The following CXADR variants were observed in gnomAD, a reference collection of about 807,000 sequenced individuals.
The protein encoded by CXADR is CXADR cell adhesion molecule, also known as coxsackievirus and adenovirus receptor.
Under a neutral mutation model 40.3 loss-of-function variants are expected in CXADR, and 20 were observed. The ratio of observed to expected loss-of-function variants is 0.50; its 90% CI spans 0.35 to 0.72. CXADR has a LOEUF of 0.72. CXADR is among the 30% of genes least tolerant of loss of function. The pLI is 0.01. For missense variants in CXADR, 332 were observed against 449.1 expected (o/e 0.74, Z 2.36); for synonymous variants, 150 against 161.3 (o/e 0.93, Z 0.53).
chr21:17,614,770 G>A, the CXADR span, among the ~76,000 whole-genome samples: 1 of 152,094 alleles, frequency 6.6e-6, no homozygotes, highest in Non-Finnish European at 1.5e-5. Context: ...TCTCATAGCT[G>A]AACACTGTGA....
intron 7 of CXADR, among the ~76,000 whole-genome samples, chr21:17,588,598 T>A (rs565279751): frequency 6.6e-6 from 1 of 152,316 alleles, no homozygotes; most frequent in East Asian, 1.9e-4. Flanking sequence ...CATCTTTAAT[T>A]TGAAAAGCCC....
downstream of CXADR, among the ~76,000 whole-genome samples, chr21:17,570,952 T>C (rs771822781): frequency 9.9e-5 from 15 of 152,200 alleles, no homozygotes; most frequent in Non-Finnish European, 2.1e-4. Flanking sequence ...TCCTGTGCAT[T>C]GCGAAATGTT....
the CXADR span, chr21:17,613,117 GACCGCGACGGCGCGGTCCGCAGA>G: frequency 6.6e-6 from 1 of 152,072 alleles, no homozygotes; most frequent in Non-Finnish European, 1.5e-5. Context: ...GCAGACCCTC[GACCGCGACGGCGCGGTCCGCAGA>G]ACCGCGGGCT....
intron 2 of CXADR, among the ~76,000 whole-genome samples, chr21:17,549,735 C>A (rs1343588932): frequency 6.6e-6 from 1 of 152,128 alleles, no homozygotes; most frequent in Non-Finnish European, 1.5e-5. Context: ...TCTCAAGCCC[C>A]CCTTAAAGGA....
rs1014156160 is a variant in CXADR at position 17,513,085 on chromosome 21, G to C, written c.-45G>C. 3 of 1,336,664 alleles carry C rather than the reference G, an allele frequency of 2.2e-6. No individual in the cohort carries two copies. The highest frequency in any genetic ancestry group is 3.1e-5 in the African/African-American group (2 of 64,876). The allele number at this position is 1,336,664 out of a possible 1,614,324, so 82.8% of individuals were successfully genotyped here. On this transcript the variant is annotated 5_prime_UTR_variant, in exon 1 of 7. Coordinates refer to ENST00000284878, the MANE Select transcript of CXADR (RefSeq NM_001338.5). ...GCGCGGGGAGCCTGGGACCAGGAGC[G>C]AGAGCCGCCTACCTGCAGCCGCCGC...
At chr21:17,561,275 A>G (rs1324687692) in intron 5 of CXADR, 63 bp from the exon 6 acceptor site, 17 of 910,480 alleles carry the variant, frequency 1.9e-5, no homozygotes, top group African/African-American at 3.4e-5. Flanking sequence ...TGTATAGCCT[A>G]CCTTCAGTAT....
Position 17,567,352 on chromosome 21 carries a change from A to G in CXADR, c.*1660A>G. On this transcript the variant is annotated 3_prime_UTR_variant, in exon 7 of 7. Coordinates refer to ENST00000284878, the MANE Select transcript of CXADR (RefSeq NM_001338.5). ...TTTACATATTTGGAAGCATTTTAAA[A>G]ACAGGTTTTAACCTTATGTAAAATT... 1.0e-6 allele frequency: 1 copy of G among 985,196 alleles called. No homozygotes were observed. The highest frequency in any genetic ancestry group is 1.2e-6 in the Non-Finnish European group (1 of 829,690). The allele number at this position is 985,196 out of a possible 1,614,324, so 61.0% of individuals were successfully genotyped here.
chr21:17,540,773 T>C (rs1269062217), intron 1 of CXADR, among the ~76,000 whole-genome samples: 1 of 152,240 alleles, frequency 6.6e-6, no homozygotes. Context: ...CGTCTTCTAC[T>C]GCGTTGACAG....
rs1401426410 is a variant in CXADR at position 17,547,206 on chromosome 21, T to C, written c.210+13T>C. The C allele has an allele frequency of 2.5e-6, 4 of 1,613,996 alleles. No individual in the cohort carries two copies. The highest frequency in any genetic ancestry group is 1.3e-5 in the African/African-American group (1 of 74,936). ...GGTGGATCAAGTGGTAAGTTTGATATGTCCTTGCTCGCTTAGCAGCTGTCT... is the reference window on the plus strand; with the variant it reads ...GGTGGATCAAGTGGTAAGTTTGATACGTCCTTGCTCGCTTAGCAGCTGTCT... On this transcript the variant is annotated intron_variant, in intron 2 of 6. Coordinates refer to ENST00000284878, the MANE Select transcript of CXADR (RefSeq NM_001338.5).
chr21:17,526,391 T>C (rs1395872372), intron 1 of CXADR, among the ~76,000 whole-genome samples: 1 of 152,202 alleles, frequency 6.6e-6, no homozygotes, highest in Non-Finnish European at 1.5e-5. Context: ...CATCAAAACA[T>C]TTGTTACAGG....
At chr21:17,536,320 G>A (rs1211244816) in intron 1 of CXADR, among the ~76,000 whole-genome samples, 4 of 152,160 alleles carry the variant, frequency 2.6e-5, no homozygotes, top group Non-Finnish European at 4.4e-5. Flanking sequence ...CAAAAAATAA[G>A]TATCCTGTCT....
chr21:17,533,340 A>G (rs1569090450), intron 1 of CXADR, among the ~76,000 whole-genome samples: 2 of 152,218 alleles, frequency 1.3e-5, no homozygotes, highest in African/African-American at 4.8e-5. Context: ...GCATAGAAGA[A>G]GAGTATAAAT....
At chr21:17,601,486 C>T in the CXADR span, among the ~76,000 whole-genome samples, 1 of 151,962 alleles carries the variant, frequency 6.6e-6, no homozygotes, top group African/African-American at 2.4e-5. Context: ...ATCATGCCAC[C>T]GCATTCCAGC....
intron 7 of CXADR, among the ~76,000 whole-genome samples, chr21:17,580,818 AT>A (rs2061355062): frequency 6.6e-6 from 1 of 152,116 alleles, no homozygotes; most frequent in Non-Finnish European, 1.5e-5. Context: ...AGGGGTGATC[AT>A]GGCTCACTGC....
At chr21:17,616,400 A>G in the CXADR span, among the ~76,000 whole-genome samples, 2 of 147,572 alleles carry the variant, frequency 1.4e-5, no homozygotes, top group Non-Finnish European at 3.0e-5. Flanking sequence ...CAGTGGTGCA[A>G]TCTCGGCTCA....
chr21:17,550,378 G>T (rs1411892455), intron 2 of CXADR, among the ~76,000 whole-genome samples: 1 of 151,528 alleles, frequency 6.6e-6, no homozygotes, highest in Non-Finnish European at 1.5e-5. Context: ...GATCTTTGGT[G>T]GGTTGGGGTG....
chr21:17,555,422 G>A (rs999266669), intron 3 of CXADR, among the ~76,000 whole-genome samples: 4 of 152,168 alleles, frequency 2.6e-5, no homozygotes, highest in Non-Finnish European at 4.4e-5. Context: ...AAAAATACAA[G>A]GAAGTTTCTG....
Position 17,568,691 on chromosome 21 carries a change from A to C in CXADR, c.*2999A>C. ...CAGGTGTGAGCCGCAGCATCCAGCCAGTTCTGTACTTTGAATATGGAGTAG... is the reference window on the plus strand; with the variant it reads ...CAGGTGTGAGCCGCAGCATCCAGCCCGTTCTGTACTTTGAATATGGAGTAG... On this transcript the variant is annotated 3_prime_UTR_variant, in exon 7 of 7. Transcript: ENST00000284878. The C allele has an allele frequency of 1.0e-6, 1 of 984,970 alleles. No individual in the cohort carries two copies. The highest frequency in any genetic ancestry group is 1.2e-6 in the Non-Finnish European group (1 of 829,886). 61.0% of individuals were successfully genotyped at this position (984,970 alleles called of 1,614,324 possible).
chr21:17,584,226 A>G (rs1325920366), intron 7 of CXADR, among the ~76,000 whole-genome samples: 1 of 152,274 alleles, frequency 6.6e-6, no homozygotes, highest in Non-Finnish European at 1.5e-5. Context: ...TATAGACCTC[A>G]AGAACATACA....
Sources: gnomAD v4.1 joint callset for allele counts (sites outside exome capture counted in the v4.1 genomes callset) on GRCh38, gnomAD v4.1.1 for gene constraint, MANE v1.5 for transcripts, NCBI Gene and HGNC (gene_info 2026-07-23, HGNC 2026-07-21) for gene names.